The following INF2 variants were observed in gnomAD, a reference collection of about 807,000 sequenced individuals.
INF2 encodes the protein inverted formin 2.
Under a neutral mutation model 123.5 loss-of-function variants are expected in INF2, and 43 were observed. The observed-to-expected ratio is 0.35, with a 90% confidence interval of 0.27 to 0.45. The LOEUF is 0.45. Ranked by LOEUF, INF2 falls within the 20% of genes least tolerant of loss-of-function variation. The probability of loss-of-function intolerance (pLI) is 1.00; values close to 1 mark genes in which losing one functional copy is unlikely to be tolerated. For synonymous variants in INF2, 851 were observed against 745.0 expected, an observed-to-expected ratio of 1.14 and a Z score of -2.32; for missense variants, 1,453 against 1,682.7, an observed-to-expected ratio of 0.86 and a Z score of 2.39.
intron 1 of INF2, among the ~76,000 whole-genome samples, chr14:104,681,964 G>A (rs764648681): frequency 3.9e-5 from 6 of 152,324 alleles, no homozygotes; most frequent in African/African-American, 1.4e-4. Context: ...CTCCCAAGGC[G>A]GGAAGTGGGA....
chr14:104,698,775 A>G (rs552099655), intron 1 of INF2, among the ~76,000 whole-genome samples: 2 of 152,086 alleles, frequency 1.3e-5, no homozygotes, highest in Non-Finnish European at 2.9e-5. Flanking sequence ...AGCACCACAG[A>G]AGGAGGAGAG....
chr14:104,693,453 T>A (rs112228381), intron 1 of INF2, among the ~76,000 whole-genome samples: 2,450 of 152,250 alleles, frequency 0.016, 42 homozygotes, highest in African/African-American at 0.041. Context: ...CGAGGGCTAG[T>A]GTCAAAGCCT....
intron 1 of INF2, among the ~76,000 whole-genome samples, chr14:104,700,059 C>G (rs1889398440): frequency 6.6e-6 from 1 of 152,086 alleles, no homozygotes; most frequent in South Asian, 2.1e-4. Flanking sequence ...GACACTCTCC[C>G]AAGGCAGGAG....
chr14:104,706,095 G>C lies in INF2; in HGVS notation c.762G>C (p.Glu254Asp). 6.2e-7 allele frequency: 1 copy of C among 1,612,600 alleles called. No individual in the cohort carries two copies. Among genetic ancestry groups the C allele is most frequent in the Non-Finnish European group, 8.5e-7 (1 of 1,179,720 alleles). ...AGGCTTTCGAGGAGGCTAAGGCCGAGGACGAGGAGGAGCTGCTGCGAGTCT... is the reference window on the plus strand; with the variant it reads ...AGGCTTTCGAGGAGGCTAAGGCCGACGACGAGGAGGAGCTGCTGCGAGTCT... Reference protein sequence around the residue: ...QLEAFEEAKAEDEEELLRVSG... With the variant: ...QLEAFEEAKADDEEELLRVSG... The change falls in exon 6 of 23, where the codon GAG (glutamate) becomes GAC (aspartate). Residue 254 changes from glutamate to aspartate, a missense_variant. This residue lies in a region of INF2 where 251 missense variants were observed against 349.4 expected (regional missense o/e 0.72). Coordinates refer to ENST00000392634, the MANE Select transcript of INF2 (RefSeq NM_022489.4).
At chr14:104,696,666 G>C (rs1200062366) in intron 1 of INF2, among the ~76,000 whole-genome samples, 1 of 152,138 alleles carries the variant, frequency 6.6e-6, no homozygotes, top group African/African-American at 2.4e-5. Context: ...GAACCCCGGG[G>C]TGCTGCCAGG....
chr14:104,708,343 CT>C, intron 8 of INF2, 92 bp from the exon 9 acceptor site: 1 of 1,515,102 alleles, frequency 6.6e-7, no homozygotes, highest in Non-Finnish European at 9.0e-7. Context: ...GCAGGACATC[CT>C]TTAGACCCTC....
rs1263040681 is a variant in INF2, at chr14:104,707,535, C to T, written c.1268C>T (p.Pro423Leu). Residue 423 changes from proline to leucine, a missense_variant, in exon 8 of 23, where the codon CCA becomes CTA. Transcript: ENST00000392634. ...GAGCAGCAGGCGTCCACCCCACCCC[C>T]ACCCCCACCCCCACCCCTGCTCCCT... ...ALEQQASTPP[P>L]PPPPPLLPGS... is the part of the protein sequence containing the mutation. 4.3e-6 allele frequency: 4 copies of T among 928,168 alleles called. No individual in the cohort carries two copies. Among genetic ancestry groups the T allele is most frequent in the Non-Finnish European group, 5.8e-6 (4 of 686,874 alleles). 57.5% of individuals were successfully genotyped at this position (928,168 alleles called of 1,614,324 possible).
intron 1 of INF2, among the ~76,000 whole-genome samples, chr14:104,696,478 G>A (rs1889196830): frequency 6.6e-6 from 1 of 152,242 alleles, no homozygotes; most frequent in South Asian, 2.1e-4. Context: ...GCCGGCAGTT[G>A]GTGAGCCACC....
Position 104,706,115 on chromosome 14 carries a change from G to A in INF2, c.782G>A (p.Arg261Gln), listed in dbSNP as rs749543418. 8.1e-6 allele frequency: 13 copies of A among 1,611,860 alleles called. No homozygotes were observed. In the South Asian group the frequency reaches 8.8e-5, roughly 11 times the overall value. Residue 261 changes from arginine to glutamine, a missense_variant, in exon 6 of 23, where the codon CGA becomes CAA. By Grantham distance (43) the Arg-to-Gln change is conservative. Coordinates refer to ENST00000392634, the MANE Select transcript of INF2 (RefSeq NM_022489.4). ...AKAEDEEELL[R>Q]VSGGVDMSSH... ...GCCGAGGACGAGGAGGAGCTGCTGC[G>A]AGTCTCTGGCGGGGTCGACATGAGC...
intron 16 of INF2, among the ~76,000 whole-genome samples, 168 bp downstream of exon 16, chr14:104,711,867 T>C (rs1890064435): frequency 6.6e-6 from 1 of 152,276 alleles, no homozygotes; most frequent in South Asian, 2.1e-4. Flanking sequence ...CAGGACCGGG[T>C]CTGCCGTGGC....
rs765901404 is a variant in INF2, at chr14:104,714,685, G to A, written c.3523G>A (p.Asp1175Asn). ...AAGPGGDEDE[D>N]EEDTAPESAL... The stretch of plus-strand genomic sequence containing the variant: ...AGGCCCAGGTGGGGATGAGGACGAG[G>A]ACGAGGAGGACACGGCCCCAGAGTC... Residue 1175 changes from aspartate (D) to asparagine (N), a missense_variant, in exon 21 of 23, where the codon GAC becomes AAC. Asp to Asn is a conservative substitution (Grantham distance 23). Around this residue, in one of 8 missense-constraint regions of INF2, gnomAD observed 344 missense variants for 333.1 expected, o/e 1.03. Coordinates refer to ENST00000392634, the MANE Select transcript of INF2 (RefSeq NM_022489.4). 5.0e-6 allele frequency: 8 copies of A among 1,611,530 alleles called. No homozygotes were observed. Among genetic ancestry groups the A allele is most frequent in the East Asian group, 2.2e-5 (1 of 44,846 alleles).
intron 10 of INF2, 131 bp downstream of exon 10, chr14:104,708,863 G>A: frequency 9.9e-7 from 1 of 1,012,924 alleles, no homozygotes; most frequent in Non-Finnish European, 1.6e-6. Context: ...AGGCAGGATT[G>A]TAGGCGGGTA....
Position 104,721,341 on chromosome 14 carries a change from TGTGG to T in INF2, c.*2549_*2552del. 1 of 147,588 alleles carries T rather than the reference TGTGG, an allele frequency of 6.8e-6. No individual in the cohort carries two copies. The highest frequency in any genetic ancestry group is 6.8e-5 in the Admixed American group (1 of 14,606). The allele number at this position is 147,588 out of a possible 1,614,324, so 9.1% of individuals were successfully genotyped here. A position where few individuals can be genotyped will look rare whatever the true frequency, so the allele number is the denominator to read the frequency against. ...GCTGTGGACGTCTGCGTCGTCCTCG[TGTGG>T]ATGCTGCTGTGGACGTCTGCGTAGT... On this transcript the variant is annotated 3_prime_UTR_variant, in exon 23 of 23. Transcript: ENST00000392634.
rs776977547 is a variant in INF2 at position 104,714,663 on chromosome 14, C to A, written c.3501C>A (p.Gly1167=). The part of the protein sequence containing the change: ...HSRGARPPAA[G]PGGDEDEDEE... ...GTGGTGCCAGACCCCCTGCAGCAGGCCCAGGTGGGGATGAGGACGAGGACG... is the reference window on the plus strand; with the variant it reads ...GTGGTGCCAGACCCCCTGCAGCAGGACCAGGTGGGGATGAGGACGAGGACG... The change falls in exon 21 of 23, where the codon GGC becomes GGA. Residue 1167 remains glycine, a synonymous_variant. Transcript: ENST00000392634. The A allele has an allele frequency of 3.3e-5, 54 of 1,612,238 alleles. No homozygotes were observed. Among genetic ancestry groups the A allele is most frequent in the Non-Finnish European group, 4.4e-5 (52 of 1,179,658 alleles).
chr14:104,703,032 C>A, intron 2 of INF2, 73 bp from the exon 3 acceptor site: 1 of 1,271,380 alleles, frequency 7.9e-7, no homozygotes, highest in Non-Finnish European at 1.1e-6. Flanking sequence ...AGAGCCCCAG[C>A]CCTGAGCCCA....
At position 104,707,719 on chromosome 14, in the gene INF2, T is replaced by C. The variant is rs371775604; in HGVS notation, c.1452T>C (p.Cys484=). 2,998 of 1,090,012 alleles carry C rather than the reference T, an allele frequency of 2.8e-3. 35 individuals carry two copies. In the African/African-American group the frequency reaches 0.039, roughly 14 times the overall value. 67.5% of individuals were successfully genotyped at this position (1,090,012 alleles called of 1,614,324 possible). The part of the protein sequence containing the change: ...PPLPPPLPGS[C]EFLPPPPPPL... The stretch of plus-strand genomic sequence containing the variant: ...TACCACCACCCCTGCCAGGCTCCTG[T>C]GAGTTCCTGCCCCCACCACCTCCAC... The change falls in exon 8 of 23, where the codon TGT becomes TGC. Residue 484 remains cysteine (C), a synonymous_variant. Coordinates refer to ENST00000392634, the MANE Select transcript of INF2 (RefSeq NM_022489.4).
Position 104,712,980 on chromosome 14 carries a change from C to G in INF2, c.2763C>G (p.Leu921=). The change falls in exon 18 of 23, where the codon CTC becomes CTG. Residue 921 remains leucine (L), a synonymous_variant. Coordinates refer to ENST00000392634, the MANE Select transcript of INF2 (RefSeq NM_022489.4). ...TGAAGGCTTTCCGGGACCTTTTCCTCCGCGCCCTGAAGGTGGGGCAGCCCG... is the reference window on the plus strand; with the variant it reads ...TGAAGGCTTTCCGGGACCTTTTCCTGCGCGCCCTGAAGGTGGGGCAGCCCG... ...STMKAFRDLF[L]RALKENKDRK... 13 of 1,612,512 alleles carry G rather than the reference C, an allele frequency of 8.1e-6. No homozygotes were observed. Among genetic ancestry groups the G allele is most frequent in the Non-Finnish European group, 1.1e-5 (13 of 1,179,790 alleles).
chr14:104,698,752 G>A (rs1234752206), intron 1 of INF2, among the ~76,000 whole-genome samples: 1 of 151,668 alleles, frequency 6.6e-6, no homozygotes, highest in Admixed American at 6.6e-5. Flanking sequence ...GGGTGAGATC[G>A]GGCAGCCTTG....
In INF2 at chr14:104,689,682, AC is replaced by A. The variant is rs772080390; in HGVS notation, c.-64del. On this transcript the variant is annotated 5_prime_UTR_variant, in exon 1 of 23. Coordinates refer to ENST00000392634, the MANE Select transcript of INF2 (RefSeq NM_022489.4). ...GGGCGCCGGCTGCCCGCAGCCCCTGACCCGGCCCCGGACGGAGCGCCGGCCG... is the reference window on the plus strand; with the variant it reads ...GGGCGCCGGCTGCCCGCAGCCCCTGACCGGCCCCGGACGGAGCGCCGGCCG... 1.1e-4 allele frequency: 112 copies of A among 983,946 alleles called. No individual in the cohort carries two copies. In the East Asian group the frequency reaches 4.7e-3, roughly 41 times the overall value. The allele number at this position is 983,946 out of a possible 1,614,324, so 61.0% of individuals were successfully genotyped here.
Sources: gnomAD v4.1 joint callset for allele counts (sites outside exome capture counted in the v4.1 genomes callset) on GRCh38, gnomAD v4.1.1 for gene constraint, gnomAD v4.1.1 regional missense constraint, MANE v1.5 for transcripts, NCBI Gene and HGNC (gene_info 2026-07-23, HGNC 2026-07-21) for gene names.